The following PYCR3 variants were observed in gnomAD, a reference collection of about 807,000 sequenced individuals.
PYCR3 encodes the protein P5C reductase 3.
PYCR3 carries 26 observed loss-of-function variants against 23.4 expected under a neutral mutation model. That is an observed-to-expected ratio of 1.11 (90% CI 0.81 to 1.54). The LOEUF (loss-of-function observed/expected upper bound fraction) is 1.54. Among genes scored for constraint, PYCR3 ranks in the 40% most tolerant of loss-of-function variants. The probability of loss-of-function intolerance (pLI) is 0.00; values close to 1 mark genes in which losing one functional copy is unlikely to be tolerated. For missense variants in PYCR3, 360 were observed against 376.3 expected, an observed-to-expected ratio of 0.96 and a Z score of 0.36; for synonymous variants, 194 against 162.6, an observed-to-expected ratio of 1.19 and a Z score of -1.47.
rs749684332 is a variant in PYCR3 at position 143,609,534 on chromosome 8, C to T, written c.15G>A (p.Glu5=). MAAA[E]PSPRRVGFVG... The stretch of plus-strand genomic sequence containing the variant: ...CGAAGCCCACGCGCCGCGGAGACGG[C>T]TCCGCAGCTGCCATCTTGTTGCCTC... The change falls in exon 1 of 6, where the codon GAG becomes GAA. Residue 5 remains glutamate, a synonymous_variant. Transcript: ENST00000495276. 1 of 1,511,796 alleles carries T rather than the reference C, an allele frequency of 6.6e-7. No individual in the cohort carries two copies. The highest frequency in any genetic ancestry group is 8.8e-7 in the Non-Finnish European group (1 of 1,137,738). The allele number at this position is 1,511,796 out of a possible 1,614,324, so 93.6% of individuals were successfully genotyped here. A position where few individuals can be genotyped will look rare whatever the true frequency, so the allele number is the denominator to read the frequency against.
chr8:143,606,532 A>G lies in PYCR3; in HGVS notation c.484T>C (p.Cys162Arg), dbSNP rs1248218894. Reference protein sequence around the residue: ...LQHLLEACGRCEEVPEAYVDI... With the variant: ...LQHLLEACGRREEVPEAYVDI... ...ACGTAGGCTTCAGGCACCTCCTCACACCGCCCACAGGCCTCCAGCAGATGC... is the reference window on the plus strand; with the variant it reads ...ACGTAGGCTTCAGGCACCTCCTCACGCCGCCCACAGGCCTCCAGCAGATGC... The change falls in exon 4 of 6, where the codon TGT becomes CGT. Residue 162 changes from cysteine (C) to arginine (R), a missense_variant. Transcript: ENST00000495276. 7 of 1,612,776 alleles carry G rather than the reference A, an allele frequency of 4.3e-6. No individual in the cohort carries two copies. In the East Asian group the frequency reaches 1.6e-4, roughly 36 times the overall value.
chr8:143,605,955 A>G, intron 5 of PYCR3, 73 bp from the exon 6 acceptor site: 1 of 1,564,912 alleles, frequency 6.4e-7, no homozygotes, highest in Non-Finnish European at 8.7e-7. Context: ...CCCTCGTTGC[A>G]TCCCCCAACC....
Position 143,604,085 on chromosome 8 carries a change from G to A in PYCR3, c.*1615C>T, listed in dbSNP as rs1829323518. The A allele has an allele frequency of 6.6e-6, 1 of 152,046 alleles. No individual in the cohort carries two copies. The highest frequency in any genetic ancestry group is 1.9e-4 in the East Asian group (1 of 5,182). The allele number at this position is 152,046 out of a possible 1,614,324, so 9.4% of individuals were successfully genotyped here. A position where few individuals can be genotyped will look rare whatever the true frequency, so the allele number is the denominator to read the frequency against. ...AATTTTGTATTTTTAGTAGAGATGG[G>A]GTTTCTCCATGTTGGTCAGGTTGGT... On this transcript the variant is annotated 3_prime_UTR_variant, in exon 6 of 6. Transcript: ENST00000495276.
Position 143,603,763 on chromosome 8 carries a change from A to G in PYCR3, c.*1937T>C, listed in dbSNP as rs1349565149. 6.6e-6 allele frequency: 1 copy of G among 152,166 alleles called. No homozygotes were observed. The highest frequency in any genetic ancestry group is 2.4e-5 in the African/African-American group (1 of 41,426). The allele number at this position is 152,166 out of a possible 1,614,324, so 9.4% of individuals were successfully genotyped here. On this transcript the variant is annotated 3_prime_UTR_variant, in exon 6 of 6. Coordinates refer to ENST00000495276, the MANE Select transcript of PYCR3 (RefSeq NM_023078.6). Reference sequence around the variant, plus strand: ...GAAACTGCAATTCCATGCCCTACAAAGCCCCCAGGTGATGTAGAGGCCTGT... The same window carrying G: ...GAAACTGCAATTCCATGCCCTACAAGGCCCCCAGGTGATGTAGAGGCCTGT...
At position 143,607,826 on chromosome 8, in the gene PYCR3, C is replaced by T. The variant is rs116171940; in HGVS notation, c.156+236G>A. Among the ~76,000 whole-genome samples, 618 of 152,244 alleles carry T rather than the reference C, an allele frequency of 4.1e-3. 2 individuals carry two copies. The highest frequency in any genetic ancestry group is 0.013 in the African/African-American group (558 of 41,534). On this transcript the variant is annotated intron_variant, in intron 2 of 5. Coordinates refer to ENST00000495276, the MANE Select transcript of PYCR3 (RefSeq NM_023078.6). ...ACACACGTGCATATACACACACTCA[C>T]GGACATGCACTCACACATGCATACA...
intron 2 of PYCR3, among the ~76,000 whole-genome samples, 195 bp from the exon 3 acceptor site, chr8:143,607,327 A>C (rs1043546018): frequency 6.6e-6 from 1 of 152,094 alleles, no homozygotes; most frequent in African/African-American, 2.4e-5. Context: ...GGCCATCCTG[A>C]TGTCAGCGCC....
intron 2 of PYCR3, among the ~76,000 whole-genome samples, chr8:143,607,600 AC>A (rs1414157503): frequency 6.6e-6 from 1 of 152,122 alleles, no homozygotes; most frequent in African/African-American, 2.4e-5. Flanking sequence ...ACACATCTGC[AC>A]AGGCACACAT....
rs781242243 is a variant in PYCR3, at chr8:143,605,765, G to A, written c.760C>T (p.Arg254Ter). Residue 254 changes from arginine to a stop codon, truncating the protein, a stop_gained, in exon 6 of 6, where the codon CGA (arginine) becomes TGA (stop). Coordinates refer to ENST00000495276, the MANE Select transcript of PYCR3 (RefSeq NM_023078.6). LOFTEE classifies it high-confidence loss of function. ...TCCACGGCGCTCATGGTGGCTGCTC[G>A]CAGCCCGCCCTGCTCCAGGGCGTGG... is the stretch of plus-strand genomic sequence containing the variant. ...GLHALEQGGL[R>*]AATMSAVEAA... 2.2e-5 allele frequency: 35 copies of A among 1,610,412 alleles called. 1 individual carries two copies. The highest frequency in any genetic ancestry group is 2.0e-4 in the South Asian group (18 of 91,022).
rs1314394940 is a variant in PYCR3 at position 143,603,534 on chromosome 8, G to A, written c.*2166C>T. ...ACCTCCCGAGCTGAGCTCACCTAGT[G>A]CCCAGGGCTTGTCAGAGGTCCCAGG... On this transcript the variant is annotated 3_prime_UTR_variant, in exon 6 of 6. Transcript: ENST00000495276. Among the ~76,000 whole-genome samples, 1 of 152,178 alleles carries A rather than the reference G, an allele frequency of 6.6e-6. No individual in the cohort carries two copies. Among genetic ancestry groups the A allele is most frequent in the African/African-American group, 2.4e-5 (1 of 41,442 alleles).
Position 143,605,367 on chromosome 8 carries a change from C to T in PYCR3, c.*333G>A. On this transcript the variant is annotated 3_prime_UTR_variant, in exon 6 of 6. Transcript: ENST00000495276. ...TTACCGTAAGTTCTGTTCATGGCCT[C>T]AACCAACTGCCCAACCATGCGGGCA... is the stretch of plus-strand genomic sequence containing the variant. 2.5e-6 allele frequency: 1 copy of T among 401,328 alleles called. No homozygotes were observed. The highest frequency in any genetic ancestry group is 4.6e-6 in the Non-Finnish European group (1 of 218,994). 24.9% of individuals were successfully genotyped at this position (401,328 alleles called of 1,614,324 possible).
Position 143,607,176 on chromosome 8 carries a change from C to T in PYCR3, c.157-44G>A, listed in dbSNP as rs117118427. On this transcript the variant is annotated intron_variant, in intron 2 of 5. Coordinates refer to ENST00000495276, the MANE Select transcript of PYCR3 (RefSeq NM_023078.6). ...GACCAAGCCTCAGGGGCCATGTAAG[C>T]GGCGCACCCTCTCCATCACAGCCCT... is the stretch of plus-strand genomic sequence containing the variant. 13,846 of 1,475,730 alleles carry T rather than the reference C, an allele frequency of 9.4e-3. 84 individuals are homozygous for T. The highest frequency in any genetic ancestry group is 0.012 in the Middle Eastern group (52 of 4,310). 91.4% of individuals were successfully genotyped at this position (1,475,730 alleles called of 1,614,324 possible).
intron 1 of PYCR3, chr8:143,608,895 A>C (rs1206284008): frequency 2.2e-6 from 1 of 456,638 alleles, no homozygotes; most frequent in Non-Finnish European, 4.4e-6. Flanking sequence ...AGAGAGTCAA[A>C]AGTCACCCAG....
At chr8:143,606,721 G>A (rs1829412501) in intron 3 of PYCR3, 42 bp from the exon 4 acceptor site, 14 of 1,538,840 alleles carry the variant, frequency 9.1e-6, no homozygotes, top group Non-Finnish European at 1.2e-5. Context: ...TGTAGGACTG[G>A]GCCCTGCTGG....
chr8:143,605,854 C>A lies in PYCR3; in HGVS notation c.671G>T (p.Gly224Val). The A allele has an allele frequency of 6.2e-7, 1 of 1,609,728 alleles. No individual in the cohort carries two copies. The highest frequency in any genetic ancestry group is 8.5e-7 in the Non-Finnish European group (1 of 1,178,266). ...TGAGCGCAGCTGGGCTGGGTGTTGGCCCTCGTGCAGCAGCATCTTGGCCGT... is the reference window on the plus strand; with the variant it reads ...TGAGCGCAGCTGGGCTGGGTGTTGGACCTCGTGCAGCAGCATCTTGGCCGT... ...LGTAKMLLHE[G>V]QHPAQLRSDV... Residue 224 changes from glycine to valine, a missense_variant, in exon 6 of 6, where the codon GGC (glycine) becomes GTC (valine). Gly to Val is a moderately radical substitution (Grantham distance 109). Coordinates refer to ENST00000495276, the MANE Select transcript of PYCR3 (RefSeq NM_023078.6).
chr8:143,608,215 C>G, intron 1 of PYCR3, 89 bp from the exon 2 acceptor site: 1 of 1,073,362 alleles, frequency 9.3e-7, no homozygotes, highest in Non-Finnish European at 1.4e-6. Flanking sequence ...GCCTCTCAGG[C>G]TCAGCCACGC....
Position 143,604,611 on chromosome 8 carries a change from C to T in PYCR3, c.*1089G>A. The T allele has an allele frequency of 3.3e-6, 1 of 306,932 alleles. No individual in the cohort carries two copies. 19.0% of individuals were successfully genotyped at this position (306,932 alleles called of 1,614,324 possible). On this transcript the variant is annotated 3_prime_UTR_variant, in exon 6 of 6. Transcript: ENST00000495276. ...GTTGGGCGGAAGCCGAGAGCTGCAG[C>T]AGTTGGGGCCAGCGTGGGACTGGAG... is the stretch of plus-strand genomic sequence containing the variant.
intron 5 of PYCR3, 78 bp downstream of exon 5, chr8:143,605,984 G>C (rs1829385693): frequency 2.6e-6 from 4 of 1,557,816 alleles, no homozygotes; most frequent in Non-Finnish European, 3.5e-6. Flanking sequence ...AGCTTCTCGA[G>C]CCTGCTGTTT....
chr8:143,609,326 G>A, intron 1 of PYCR3, 132 bp downstream of exon 1: 1 of 1,060,652 alleles, frequency 9.4e-7, no homozygotes, highest in Non-Finnish European at 1.3e-6. Flanking sequence ...AACAGGCGTG[G>A]CCCCGGCTGC....
chr8:143,607,344 A>G (rs549342392), intron 2 of PYCR3, among the ~76,000 whole-genome samples: 36 of 152,236 alleles, frequency 2.4e-4, no homozygotes, highest in African/African-American at 8.2e-4. Flanking sequence ...CGCCTCCCCA[A>G]GCCCTGAGCC....
Sources: allele counts gnomAD v4.1 joint callset (sites outside exome capture counted in the v4.1 genomes callset), GRCh38; gene constraint gnomAD v4.1.1; transcripts MANE v1.5; gene names NCBI Gene and HGNC (gene_info 2026-07-23, HGNC 2026-07-21).